EDC3: variants seen among roughly 807,000 people sequenced by gnomAD.
EDC3 encodes the protein enhancer of mRNA-decapping protein 3.
EDC3 carries 20 observed loss-of-function variants against 41.8 expected under a neutral mutation model. The ratio of observed to expected loss-of-function variants is 0.48; its 90% CI spans 0.34 to 0.70. The LOEUF (loss-of-function observed/expected upper bound fraction) is 0.70, where lower values mean the gene tolerates loss of function less well. Among genes scored for constraint, EDC3 ranks in the 30% least tolerant of loss-of-function variants. The pLI is 0.01. For missense variants in EDC3, 444 were observed against 636.8 expected (o/e 0.70, Z 3.26); for synonymous variants, 206 against 243.2 (o/e 0.85, Z 1.42).
intron 1 of EDC3, among the ~76,000 whole-genome samples, chr15:74,676,618 A>C (rs1198676384): frequency 6.6e-6 from 1 of 152,212 alleles, no homozygotes; most frequent in East Asian, 1.9e-4. Flanking sequence ...ATCAAAACTG[A>C]CACAAGAAAT....
rs901480041 is a variant in EDC3 at position 74,679,208 on chromosome 15, T to TA, written c.-18-4067dup. ...AAGACTCTGTCTCAAAAATAAAAAT[T>TA]AAAAAAAAGAAAGAAGCATTTCCCA... On this transcript the variant is annotated intron_variant, in intron 1 of 6. Transcript: ENST00000315127. Among the ~76,000 whole-genome samples, 5 of 151,064 alleles carry TA rather than the reference T, an allele frequency of 3.3e-5. No homozygotes were observed. In the East Asian group the frequency reaches 7.8e-4, roughly 23 times the overall value.
At chr15:74,660,230 C>T (rs2062605150) in intron 3 of EDC3, among the ~76,000 whole-genome samples, 1 of 151,200 alleles carries the variant, frequency 6.6e-6, no homozygotes, top group Non-Finnish European at 1.5e-5. Context: ...ATGGCAAAAC[C>T]CCGTCTCTAC....
chr15:74,662,858 G>A (rs960590977), intron 3 of EDC3, among the ~76,000 whole-genome samples: 2 of 152,166 alleles, frequency 1.3e-5, no homozygotes. Flanking sequence ...AAGAGGAACA[G>A]GTAGAGGCAC....
At chr15:74,663,698 C>CA (rs1286912414) in intron 3 of EDC3, among the ~76,000 whole-genome samples, 3,543 of 66,732 alleles carry the variant, frequency 0.053, 74 homozygotes, top group Middle Eastern at 0.082. Flanking sequence ...TGTTCAGTTT[C>CA]AAAAAAAAAA....
At chr15:74,662,152 G>A (rs1346670450) in intron 3 of EDC3, among the ~76,000 whole-genome samples, 6 of 151,716 alleles carry the variant, frequency 4.0e-5, no homozygotes, top group Non-Finnish European at 7.4e-5. Flanking sequence ...TTACAGACTC[G>A]GCCCAAACAC....
chr15:74,642,096 C>A (rs892881967), intron 4 of EDC3: 1 of 152,168 alleles, frequency 6.6e-6, no homozygotes, highest in Non-Finnish European at 1.5e-5. Context: ...GAGAATGAGG[C>A]TATAGCTTCA....
At chr15:74,688,966 A>T (rs995742260) in intron 1 of EDC3, among the ~76,000 whole-genome samples, 6 of 151,814 alleles carry the variant, frequency 4.0e-5, no homozygotes, top group Non-Finnish European at 7.4e-5. Flanking sequence ...CATGTATCAG[A>T]AGTTTATTCT....
intron 3 of EDC3, among the ~76,000 whole-genome samples, chr15:74,663,833 G>C (rs2062649288): frequency 6.6e-6 from 1 of 152,028 alleles, no homozygotes. Context: ...ACAGCATGTT[G>C]ACAAAGTGCC....
In EDC3 at chr15:74,671,243, A is replaced by G. The variant is rs1458889283; in HGVS notation, c.484+212T>C. Among the ~76,000 whole-genome samples, 1 of 152,204 alleles carries G rather than the reference A, an allele frequency of 6.6e-6. No individual in the cohort carries two copies. The highest frequency in any genetic ancestry group is 2.4e-5 in the African/African-American group (1 of 41,458). On this transcript the variant is annotated intron_variant, in intron 3 of 6. Coordinates refer to ENST00000315127, the MANE Select transcript of EDC3 (RefSeq NM_025083.5). The surrounding 1 kb of genome is among the most constrained non-coding windows in gnomAD (Gnocchi z 4.6). Reference sequence around the variant, plus strand: ...AAGGAAGTGGTAAGAGAGGGCAGGAAGCTCACAGGCATCCCTAACAGCTTA... The same window carrying G: ...AAGGAAGTGGTAAGAGAGGGCAGGAGGCTCACAGGCATCCCTAACAGCTTA...
chr15:74,695,639 C>T lies in EDC3; in HGVS notation c.-19+241G>A, dbSNP rs575367468. The T allele has an allele frequency of 2.6e-4, 39 of 152,462 alleles. 1 individual carries two copies. Among genetic ancestry groups the T allele is most frequent in the African/African-American group, 9.1e-4 (38 of 41,556 alleles). 9.4% of individuals were successfully genotyped at this position (152,462 alleles called of 1,614,324 possible). On this transcript the variant is annotated intron_variant, in intron 1 of 6. Coordinates refer to ENST00000315127, the MANE Select transcript of EDC3 (RefSeq NM_025083.5). ...CTAAGGGCCCAAGCAGCTAATGCCT[C>T]ACTCCCCACACAATCCCCATACTAT...
intron 1 of EDC3, among the ~76,000 whole-genome samples, chr15:74,690,717 C>T (rs2062997704): frequency 6.6e-6 from 1 of 152,142 alleles, no homozygotes; most frequent in African/African-American, 2.4e-5. Context: ...GAGGCTGAGG[C>T]AGGAGGATCA....
chr15:74,635,650 G>GT lies in EDC3; in HGVS notation c.975-25dup, dbSNP rs879224162. The GT allele has an allele frequency of 3.7e-6, 6 of 1,604,692 alleles. No individual in the cohort carries two copies. The South Asian group carries it at 5.5e-5, about 15-fold the overall frequency. On this transcript the variant is annotated intron_variant, in intron 5 of 6. Transcript: ENST00000315127. Reference sequence around the variant, plus strand: ...ACCTGGAAAAGAAGGTGAAGAAGCAGTATCAGCTACATACTTGCCAATCCC... The same window carrying GT: ...ACCTGGAAAAGAAGGTGAAGAAGCAGTTATCAGCTACATACTTGCCAATCCC...
At chr15:74,658,688 C>A (rs1408862955) in intron 3 of EDC3, among the ~76,000 whole-genome samples, 1 of 145,920 alleles carries the variant, frequency 6.9e-6, no homozygotes, top group Non-Finnish European at 1.5e-5. Context: ...TGCCTGTAAT[C>A]CCAGCACTTT....
chr15:74,634,575 A>G (rs2062248697), intron 6 of EDC3, among the ~76,000 whole-genome samples: 1 of 151,904 alleles, frequency 6.6e-6, no homozygotes, highest in African/African-American at 2.4e-5. Flanking sequence ...AACCTTCTCT[A>G]TCAAGTTTTC....
At chr15:74,654,456 AGAT>A (rs2062520214) in intron 4 of EDC3, among the ~76,000 whole-genome samples, 1 of 152,202 alleles carries the variant, frequency 6.6e-6, no homozygotes, top group East Asian at 1.9e-4. Flanking sequence ...CAGACTTAAC[AGAT>A]GATAACTGCC....
At chr15:74,673,564 T>C (rs1456240921) in intron 2 of EDC3, among the ~76,000 whole-genome samples, 1 of 151,876 alleles carries the variant, frequency 6.6e-6, no homozygotes, top group African/African-American at 2.4e-5. Context: ...GGCTGGGGCA[T>C]GGTGGCTCAC....
intron 5 of EDC3, chr15:74,637,434 C>T (rs2062287833): frequency 6.6e-6 from 1 of 152,198 alleles, no homozygotes; most frequent in Non-Finnish European, 1.5e-5. Flanking sequence ...CAGGAGACAC[C>T]AGACACACGG....
intron 3 of EDC3, among the ~76,000 whole-genome samples, chr15:74,670,580 C>T (rs1489541579): frequency 6.6e-6 from 1 of 152,174 alleles, no homozygotes; most frequent in African/African-American, 2.4e-5. Flanking sequence ...CAGGCATGCA[C>T]CTCCACGTCC....
At chr15:74,683,380 C>T (rs113684926) in intron 1 of EDC3, among the ~76,000 whole-genome samples, 3,391 of 152,048 alleles carry the variant, frequency 0.022, 127 homozygotes, top group African/African-American at 0.079. Context: ...ACCAAAAATA[C>T]AAAAATTAGC....
Sources: allele counts gnomAD v4.1 joint callset (sites outside exome capture counted in the v4.1 genomes callset), GRCh38; gene constraint gnomAD v4.1.1; non-coding constraint Gnocchi (gnomAD v3.1); transcripts MANE v1.5; gene names NCBI Gene and HGNC (gene_info 2026-07-23, HGNC 2026-07-21).